Variants in PCDHA6 observed in about 807,000 individuals in gnomAD.
PCDHA6 encodes the protein protocadherin alpha 6, also known as protocadherin alpha-6.
PCDHA6 carries 55 observed loss-of-function variants against 60.3 expected under a neutral mutation model. That is an observed-to-expected ratio of 0.91 (90% CI 0.73 to 1.14). The LOEUF is 1.14. Ranked by LOEUF, PCDHA6 falls within the 50% of genes most tolerant of loss-of-function variation. The pLI is 0.00. For missense variants in PCDHA6, 1,327 were observed against 1,256.5 expected, an observed-to-expected ratio of 1.06 and a Z score of -0.85; for synonymous variants, 652 against 557.9, an observed-to-expected ratio of 1.17 and a Z score of -2.38.
Position 140,836,456 on chromosome 5 carries a change from C to T in PCDHA6, c.2394+5971C>T, listed in dbSNP as rs2150261271. ...CGTTGGGCATTGCAGGCCCAGAGAC[C>T]GAGCTGGTGGATGTCAACGTGTACC... is the stretch of plus-strand genomic sequence containing the variant. On this transcript the variant is annotated intron_variant, in intron 1 of 3. Coordinates refer to ENST00000529310, the MANE Select transcript of PCDHA6 (RefSeq NM_018909.4). 9 of 1,613,808 alleles carry T rather than the reference C, an allele frequency of 5.6e-6. No individual in the cohort carries two copies. In the South Asian group the frequency reaches 7.7e-5, roughly 14 times the overall value.
intron 3 of PCDHA6, among the ~76,000 whole-genome samples, chr5:140,999,495 A>G (rs868986339): frequency 6.6e-6 from 1 of 152,142 alleles, no homozygotes; most frequent in South Asian, 2.1e-4. Flanking sequence ...TATGTTACCC[A>G]AGAACCTACA....
At chr5:140,851,191 T>A in intron 1 of PCDHA6, 1 of 1,215,936 alleles carries the variant, frequency 8.2e-7, no homozygotes, top group Non-Finnish European at 1.1e-6. Flanking sequence ...ACCAATTTAG[T>A]TGTTAGTCAT....
intron 1 of PCDHA6, chr5:140,870,294 G>A (rs1554164013): frequency 3.1e-6 from 5 of 1,614,192 alleles, no homozygotes; most frequent in Non-Finnish European, 3.4e-6. Flanking sequence ...TCAAGCTGGT[G>A]TCCACCTTCA....
chr5:140,874,662 G>A (rs1478767625), intron 1 of PCDHA6, among the ~76,000 whole-genome samples: 1 of 152,170 alleles, frequency 6.6e-6, no homozygotes, highest in Non-Finnish European at 1.5e-5. Flanking sequence ...AAACTTTCCA[G>A]AATCTATTCC....
intron 1 of PCDHA6, chr5:140,876,688 T>A (rs1382110439): frequency 2.5e-6 from 4 of 1,614,172 alleles, no homozygotes; most frequent in Non-Finnish European, 3.4e-6. Context: ...GAATTACTAC[T>A]CGTTGGTGCT....
chr5:140,876,899 C>G (rs781884794), intron 1 of PCDHA6: 1 of 1,614,092 alleles, frequency 6.2e-7, no homozygotes, highest in South Asian at 1.1e-5. Context: ...CACATCTTCA[C>G]GGTGTCGGCA....
At position 140,828,652 on chromosome 5, in the gene PCDHA6, T is replaced by C. The variant is rs1357911961; in HGVS notation, c.561T>C (p.Asp187=). The C allele has an allele frequency of 5.0e-6, 8 of 1,614,198 alleles. No homozygotes were observed. The highest frequency in any genetic ancestry group is 1.1e-5 in the South Asian group (1 of 91,084). ...YFGLDVKINS[D]DNKQIGLLLK... is the part of the protein sequence containing the mutation. ...GGCTAGATGTGAAAATAAACAGTGA[T>C]GACAATAAACAAATTGGGCTCTTAT... Residue 187 remains aspartate, a synonymous_variant, in exon 1 of 4, where the codon GAT becomes GAC. Coordinates refer to ENST00000529310, the MANE Select transcript of PCDHA6 (RefSeq NM_018909.4).
intron 1 of PCDHA6, among the ~76,000 whole-genome samples, chr5:140,977,651 G>T (rs1554238723): frequency 6.6e-6 from 1 of 152,136 alleles, no homozygotes; most frequent in East Asian, 1.9e-4. Flanking sequence ...CCTTGACTTT[G>T]GCTAATTCTC....
At chr5:140,878,693 C>A (rs932928385) in intron 1 of PCDHA6, among the ~76,000 whole-genome samples, 6 of 152,254 alleles carry the variant, frequency 3.9e-5, no homozygotes, top group South Asian at 2.1e-4. Flanking sequence ...TCTTACATAC[C>A]CCAGCCTGGT....
intron 3 of PCDHA6, 42 bp from the exon 4 acceptor site, chr5:141,009,585 T>C: frequency 6.3e-7 from 1 of 1,592,908 alleles, no homozygotes; most frequent in Non-Finnish European, 8.6e-7. Flanking sequence ...ATCAAGAGCA[T>C]GTGTTGACCC....
At chr5:140,918,940 A>C (rs541337613) in intron 1 of PCDHA6, among the ~76,000 whole-genome samples, 51 of 152,328 alleles carry the variant, frequency 3.3e-4, no homozygotes, top group African/African-American at 1.2e-3. Flanking sequence ...TTTTGTTATA[A>C]TATCCTGAAC....
At chr5:140,917,340 T>TGGGGG (rs2078149834) in intron 1 of PCDHA6, among the ~76,000 whole-genome samples, 2 of 133,058 alleles carry the variant, frequency 1.5e-5, no homozygotes, top group African/African-American at 2.7e-5. Flanking sequence ...AGGGGGGGGA[T>TGGGGG]GGTGTAGGCT....
chr5:140,968,134 G>C, intron 1 of PCDHA6: 1 of 1,614,146 alleles, frequency 6.2e-7, no homozygotes, highest in Non-Finnish European at 8.5e-7. Context: ...GTACACTGAA[G>C]GTTGAGATCT....
chr5:140,963,666 ATAGT>A (rs1254219157), intron 1 of PCDHA6, among the ~76,000 whole-genome samples: 1 of 152,216 alleles, frequency 6.6e-6, no homozygotes, highest in African/African-American at 2.4e-5. Flanking sequence ...CCTATATGGC[ATAGT>A]TAAATGTGTT....
intron 1 of PCDHA6, chr5:140,875,507 A>G: frequency 6.2e-7 from 1 of 1,613,674 alleles, no homozygotes. Context: ...CCGGGATCCC[A>G]GCGTCTGCTG....
chr5:141,008,346 C>T lies in PCDHA6; in HGVS notation c.2543-1281C>T, dbSNP rs1223206383. Among the ~76,000 whole-genome samples the T allele has an allele frequency of 2.0e-5, 3 of 152,158 alleles. No homozygotes were observed. The East Asian group carries it at 5.8e-4, about 29-fold the overall frequency. On this transcript the variant is annotated intron_variant, in intron 3 of 3. Coordinates refer to ENST00000529310, the MANE Select transcript of PCDHA6 (RefSeq NM_018909.4). ...ACAGTTTATTTGATGGAGCTTTTCA[C>T]GTGTCAACCAAAGGAGCAGTGTTAG...
chr5:140,842,757 C>T (rs1481721691), intron 1 of PCDHA6: 2 of 1,594,844 alleles, frequency 1.3e-6, no homozygotes, highest in Non-Finnish European at 1.7e-6. Flanking sequence ...ACGGTGTCTG[C>T]GCGAGACGCG....
At chr5:140,933,480 G>C (rs1255769578) in intron 1 of PCDHA6, among the ~76,000 whole-genome samples, 1 of 151,846 alleles carries the variant, frequency 6.6e-6, no homozygotes, top group South Asian at 2.1e-4. Flanking sequence ...ACACATTATG[G>C]TTATTCTTTA....
intron 1 of PCDHA6, among the ~76,000 whole-genome samples, chr5:140,939,691 G>A (rs782722243): frequency 3.5e-4 from 53 of 152,250 alleles, no homozygotes; most frequent in African/African-American, 1.2e-3. Context: ...TGTGTTGCTG[G>A]ACATTATCAT....
Sources: gnomAD v4.1 joint callset for allele counts (sites outside exome capture counted in the v4.1 genomes callset) on GRCh38, gnomAD v4.1.1 for gene constraint, MANE v1.5 for transcripts, NCBI Gene and HGNC (gene_info 2026-07-23, HGNC 2026-07-21) for gene names.